Variants in MSH4 observed in about 807,000 individuals in gnomAD.
MSH4 encodes the protein mutS protein homolog 4.
MSH4 carries 106 observed loss-of-function variants against 113.7 expected under a neutral mutation model. The ratio of observed to expected loss-of-function variants is 0.93; its 90% CI spans 0.80 to 1.10. The LOEUF is 1.10. MSH4 is among the 50% of genes least tolerant of loss of function. MSH4 has a pLI of 0.00. For missense variants in MSH4, 1,061 were observed against 1,093.7 expected, an observed-to-expected ratio of 0.97 and a Z score of 0.42; for synonymous variants, 368 against 380.2, an observed-to-expected ratio of 0.97 and a Z score of 0.37.
intron 6 of MSH4, 119 bp from the exon 7 acceptor site, chr1:75,822,288 CAA>C (rs33965683): frequency 0.029 from 10,993 of 379,438 alleles, no homozygotes; most frequent in East Asian, 0.05. Flanking sequence ...GACTCTGTTT[CAA>C]AAAAAAAAAA....
chr1:75,822,346 G>A, intron 6 of MSH4, 63 bp from the exon 7 acceptor site: 1 of 945,444 alleles, frequency 1.1e-6, no homozygotes, highest in Non-Finnish European at 1.6e-6. Flanking sequence ...TAATTACAAA[G>A]TGAAATGAAA....
At chr1:75,879,219 A>G in intron 12 of MSH4, 91 bp downstream of exon 12, 5 of 1,207,516 alleles carry the variant, frequency 4.1e-6, no homozygotes, top group Non-Finnish European at 5.9e-6. Context: ...TTGCAAGCCA[A>G]ATTTCTGAAT....
rs181456404 is a variant in MSH4 at position 75,799,899 on chromosome 1, T to C, written c.244+2670T>C. 5.3e-5 allele frequency among the ~76,000 whole-genome samples: 8 copies of C among 152,220 alleles called. No homozygotes were observed. In the East Asian group the frequency reaches 1.5e-3, roughly 29 times the overall value. ...GGACATGCTGAGTGTGAAAAGCCTGTGGGATATCCATATATTTATATTAAG... is the reference window on the plus strand; with the variant it reads ...GGACATGCTGAGTGTGAAAAGCCTGCGGGATATCCATATATTTATATTAAG... On this transcript the variant is annotated intron_variant, in intron 1 of 19. Transcript: ENST00000263187.
intron 7 of MSH4, among the ~76,000 whole-genome samples, chr1:75,837,663 C>T (rs1048337325): frequency 6.6e-6 from 1 of 152,152 alleles, no homozygotes; most frequent in African/African-American, 2.4e-5. Flanking sequence ...GCTGGGATTA[C>T]AGGCGTGAAC....
intron 15 of MSH4, among the ~76,000 whole-genome samples, chr1:75,885,570 T>C (rs1189052402): frequency 5.1e-5 from 4 of 78,250 alleles, no homozygotes; most frequent in African/African-American, 1.9e-4. Context: ...ATATGTAAAG[T>C]ATTATATGTA....
At chr1:75,798,264 T>A (rs1432668315) in intron 1 of MSH4, among the ~76,000 whole-genome samples, 1 of 152,156 alleles carries the variant, frequency 6.6e-6, no homozygotes, top group East Asian at 1.9e-4. Flanking sequence ...CTGGCCTATG[T>A]TTAATGTTCT....
Position 75,797,317 on chromosome 1 carries a change from C to A in MSH4, c.244+88C>A. The stretch of plus-strand genomic sequence containing the variant: ...GGGGGCACGTGGGTGGTGGTTACCA[C>A]AGTGAAGTTGTGATTTGGTTGGGGC... On this transcript the variant is annotated intron_variant, in intron 1 of 19. Coordinates refer to ENST00000263187, the MANE Select transcript of MSH4 (RefSeq NM_002440.4). The A allele has an allele frequency of 2.0e-6, 3 of 1,476,552 alleles. No homozygotes were observed. In the South Asian group the frequency reaches 3.9e-5, roughly 19 times the overall value. The allele number at this position is 1,476,552 out of a possible 1,614,324, so 91.5% of individuals were successfully genotyped here.
At chr1:75,840,788 A>G (rs1477231895) in intron 7 of MSH4, among the ~76,000 whole-genome samples, 3 of 152,214 alleles carry the variant, frequency 2.0e-5, no homozygotes, top group Non-Finnish European at 4.4e-5. Context: ...GATGAGGAAC[A>G]TTAAGCTATA....
rs985308921 is a variant in MSH4, at chr1:75,912,999, A to G, written c.*112A>G. 5.5e-6 allele frequency: 3 copies of G among 549,478 alleles called. No individual in the cohort carries two copies. Among genetic ancestry groups the G allele is most frequent in the Non-Finnish European group, 8.7e-6 (3 of 344,506 alleles). 34.0% of individuals were successfully genotyped at this position (549,478 alleles called of 1,614,324 possible). On this transcript the variant is annotated 3_prime_UTR_variant, in exon 20 of 20. Coordinates refer to ENST00000263187, the MANE Select transcript of MSH4 (RefSeq NM_002440.4). Reference sequence around the variant, plus strand: ...AAATTTCATATTTTAATTGAAAATTACATTATATTAACATCACAATTGTCA... The same window carrying G: ...AAATTTCATATTTTAATTGAAAATTGCATTATATTAACATCACAATTGTCA...
At chr1:75,904,807 T>G (rs2100593691) in intron 19 of MSH4, among the ~76,000 whole-genome samples, 1 of 152,234 alleles carries the variant, frequency 6.6e-6, no homozygotes, top group South Asian at 2.1e-4. Flanking sequence ...TTCTATTTCT[T>G]CATGCTTCAA....
In MSH4 at chr1:75,890,769, C is replaced by T. The variant is rs779450051; in HGVS notation, c.2300C>T (p.Thr767Met). Residue 767 changes from threonine to methionine, a missense_variant, in exon 17 of 20, where the codon ACG becomes ATG. By Grantham distance (81) the Thr-to-Met change is moderately conservative (BLOSUM62 -1). Transcript: ENST00000263187. ...GATGAACTTGGCAGAGGTACTAATA[C>T]GGAAGAAGGTATTGGCATTTGTTAT... ...LIDELGRGTN[T>M]EEGIGICYAV... The T allele has an allele frequency of 3.2e-5, 52 of 1,610,092 alleles. No homozygotes were observed. The highest frequency in any genetic ancestry group is 2.9e-4 in the East Asian group (13 of 44,604).
chr1:75,803,857 C>G lies in MSH4; in HGVS notation c.371C>G (p.Thr124Ser). Residue 124 changes from threonine to serine, a missense_variant, in exon 2 of 20, where the codon ACT (threonine) becomes AGT (serine). Transcript: ENST00000263187. ...YPQTLKTPLS[T>S]GNPQRSGYKS... ...CAAACACTTAAAACTCCATTGTCTA[C>G]TGGAAATCCTCAGAGATCAGGTTAT... 3 of 1,597,656 alleles carry G rather than the reference C, an allele frequency of 1.9e-6. No homozygotes were observed. In the Middle Eastern group the frequency reaches 5.0e-4, roughly 266 times the overall value.
Position 75,815,112 on chromosome 1 carries a change from C to T in MSH4, c.791C>T (p.Thr264Ile). 6.3e-7 allele frequency: 1 copy of T among 1,594,652 alleles called. No individual in the cohort carries two copies. The highest frequency in any genetic ancestry group is 8.5e-7 in the Non-Finnish European group (1 of 1,170,244). Residue 264 changes from threonine to isoleucine, a missense_variant, in exon 5 of 20, where the codon ACT (threonine) becomes ATT (isoleucine). Physicochemically the swap from Thr to Ile is moderately conservative, Grantham distance 89. Transcript: ENST00000263187. ...IEQLCIAEFS[T>I]VLMEVQSKYY... ...CAGTTATGCATAGCAGAATTCAGCA[C>T]TGTCCTAATGGAGGTTCAGTCCAAG... is the stretch of plus-strand genomic sequence containing the variant.
At chr1:75,810,661 C>G (rs765861763) in intron 3 of MSH4, 36 bp from the exon 4 acceptor site, 2 of 979,752 alleles carry the variant, frequency 2.0e-6, no homozygotes, top group Non-Finnish European at 3.0e-6. Context: ...ATTTCCTAAG[C>G]TTTATTTAAG....
At chr1:75,887,618 A>T (rs1330303667) in intron 15 of MSH4, among the ~76,000 whole-genome samples, 1 of 152,164 alleles carries the variant, frequency 6.6e-6, no homozygotes, top group African/African-American at 2.4e-5. Flanking sequence ...ATAGATGAGT[A>T]AGTCAAAGTA....
chr1:75,819,246 C>T (rs1012896578), intron 6 of MSH4, among the ~76,000 whole-genome samples: 1 of 152,130 alleles, frequency 6.6e-6, no homozygotes, highest in Non-Finnish European at 1.5e-5. Flanking sequence ...AATCCCAGCA[C>T]CCTGGGCAGG....
At chr1:75,812,971 A>C in intron 4 of MSH4, among the ~76,000 whole-genome samples, 1 of 152,156 alleles carries the variant, frequency 6.6e-6, no homozygotes, top group African/African-American at 2.4e-5. Context: ...GAAGGCTTAT[A>C]GTAGCCCAGG....
rs1367998987 is a variant in MSH4, at chr1:75,889,370, G to A, written c.2226+1G>A. On this transcript the variant is annotated splice_donor_variant, in intron 16 of 19. Coordinates refer to ENST00000263187, the MANE Select transcript of MSH4 (RefSeq NM_002440.4). LOFTEE classifies it high-confidence loss of function. Reference sequence around the variant, plus strand: ...AACATTTATGAAAGAAATGAAAGAGGTACCCAAACAAAACTTTTCTTATGT... The same window carrying A: ...AACATTTATGAAAGAAATGAAAGAGATACCCAAACAAAACTTTTCTTATGT... 1 of 1,338,602 alleles carries A rather than the reference G, an allele frequency of 7.5e-7. No homozygotes were observed. The allele number at this position is 1,338,602 out of a possible 1,614,324, so 82.9% of individuals were successfully genotyped here.
chr1:75,842,861 C>A (rs957516825), intron 7 of MSH4, among the ~76,000 whole-genome samples: 1 of 152,182 alleles, frequency 6.6e-6, no homozygotes, highest in Non-Finnish European at 1.5e-5. Context: ...ACTCCTCCAC[C>A]TCTTGTGGAG....
Sources: gnomAD v4.1 joint callset for allele counts (sites outside exome capture counted in the v4.1 genomes callset) on GRCh38, gnomAD v4.1.1 for gene constraint, MANE v1.5 for transcripts, NCBI Gene and HGNC (gene_info 2026-07-23, HGNC 2026-07-21) for gene names.